DNAH14: variants seen among roughly 807,000 people sequenced by gnomAD.
DNAH14 encodes axonemal beta dynein heavy chain 14.
Under a neutral mutation model 520.9 loss-of-function variants are expected in DNAH14, and 478 were observed. That is an observed-to-expected ratio of 0.92 (90% confidence interval 0.85 to 0.99). The LOEUF (loss-of-function observed/expected upper bound fraction) is 0.99. DNAH14 is among the 50% of genes least tolerant of loss of function. DNAH14 has a pLI of 0.00. For missense variants in DNAH14, 4,831 were observed against 5,234.5 expected, an observed-to-expected ratio of 0.92 and a Z score of 2.38; for synonymous variants, 1,581 against 1,757.2, an observed-to-expected ratio of 0.90 and a Z score of 2.51.
At chr1:225,293,553 A>T (rs2093939236) in intron 55 of DNAH14, among the ~76,000 whole-genome samples, 1 of 152,208 alleles carries the variant, frequency 6.6e-6, no homozygotes, top group Admixed American at 6.5e-5. Context: ...TCCTTAGCAA[A>T]CTAACACAGG....
chr1:225,060,367 T>C (rs536110987), intron 17 of DNAH14, among the ~76,000 whole-genome samples: 4 of 152,312 alleles, frequency 2.6e-5, no homozygotes, highest in Admixed American at 2.0e-4. Context: ...AGCTCCATCA[T>C]GTCCTTTAAG....
chr1:224,953,764 G>A (rs1011800027), intron 2 of DNAH14, among the ~76,000 whole-genome samples: 2 of 152,180 alleles, frequency 1.3e-5, no homozygotes, highest in South Asian at 2.1e-4. Context: ...AATGGAGTCT[G>A]TCTCTTACAC....
chr1:225,255,349 G>T (rs764545667), intron 44 of DNAH14, among the ~76,000 whole-genome samples: 2 of 152,138 alleles, frequency 1.3e-5, no homozygotes, highest in Non-Finnish European at 2.9e-5. Context: ...TCAAGTCATT[G>T]TATCATTAGG....
At position 225,357,785 on chromosome 1, in the gene DNAH14, G is replaced by A. The variant is rs1175318167; in HGVS notation, c.11620-711G>A. The A allele has an allele frequency of 4.3e-6, 3 of 702,036 alleles. No individual in the cohort carries two copies. The South Asian group carries it at 4.4e-5, about 10-fold the overall frequency. 43.5% of individuals were successfully genotyped at this position (702,036 alleles called of 1,614,324 possible). A position where few individuals can be genotyped will look rare whatever the true frequency, so the allele number is the denominator to read the frequency against. The stretch of plus-strand genomic sequence containing the variant: ...TCAAACAGGCACACTGACGTGTGTA[G>A]CTTCAGTTTTGCTTTAAATGATGGA... On this transcript the variant is annotated intron_variant, in intron 73 of 85. Coordinates refer to ENST00000682510, the MANE Select transcript of DNAH14 (RefSeq NM_001367479.1).
intron 60 of DNAH14, among the ~76,000 whole-genome samples, chr1:225,312,021 A>T (rs967790197): frequency 6.6e-6 from 1 of 152,182 alleles, no homozygotes. Flanking sequence ...CATTGAATCT[A>T]TAAATTACTT....
intron 27 of DNAH14, among the ~76,000 whole-genome samples, chr1:225,123,996 G>A (rs1470087014): frequency 6.6e-6 from 1 of 151,744 alleles, no homozygotes; most frequent in East Asian, 1.9e-4. Flanking sequence ...CAGGTGATCT[G>A]CCCACCTCAG....
chr1:225,145,621 C>CT (rs2079860815), intron 30 of DNAH14, among the ~76,000 whole-genome samples: 1 of 152,086 alleles, frequency 6.6e-6, no homozygotes, highest in African/African-American at 2.4e-5. Flanking sequence ...GGTTTTCAAA[C>CT]TTTTTTCAAC....
At chr1:225,283,192 A>G (rs1426942079) in intron 54 of DNAH14, among the ~76,000 whole-genome samples, 3 of 152,064 alleles carry the variant, frequency 2.0e-5, no homozygotes, top group Non-Finnish European at 4.4e-5. Context: ...ACAAGCCCCA[A>G]ATACAAATGC....
At chr1:225,213,649 A>G (rs1389487515) in intron 41 of DNAH14, among the ~76,000 whole-genome samples, 1 of 152,000 alleles carries the variant, frequency 6.6e-6, no homozygotes, top group African/African-American at 2.4e-5. Flanking sequence ...ATTCCTAGGT[A>G]TTTTATTGTC....
At chr1:225,334,805 G>A (rs949478133) in intron 66 of DNAH14, among the ~76,000 whole-genome samples, 1 of 151,644 alleles carries the variant, frequency 6.6e-6, no homozygotes, top group Non-Finnish European at 1.5e-5. Context: ...GGAGGTCAAG[G>A]CTGCAGTGAG....
In DNAH14 at chr1:225,059,633, A is replaced by G. The variant is rs1359819854; in HGVS notation, c.2424+7838A>G. On this transcript the variant is annotated intron_variant, in intron 17 of 85. Transcript: ENST00000682510. ...TTTCTTCCTAGCCTCGATGGTCTTT[A>G]CAATTTGGCATGTTTTTGCAGTGGC... is the stretch of plus-strand genomic sequence containing the variant. Among the ~76,000 whole-genome samples, 7 of 152,314 alleles carry G rather than the reference A, an allele frequency of 4.6e-5. No individual in the cohort carries two copies. In the East Asian group the frequency reaches 7.7e-4, roughly 17 times the overall value.
rs1476074727 is a variant in DNAH14 at position 225,300,873 on chromosome 1, C to T, written c.8474C>T (p.Ser2825Leu). ...TAAATATGTGTTTTGCCTAAGGACT[C>T]ATTTTTAGAAGATTTGAACTACATC... ...MVPNLNIEQD[S>L]FLEDLNYIIS... Residue 2825 changes from serine (S) to leucine (L), a missense_variant, in exon 56 of 86, where the codon TCA (serine) becomes TTA (leucine). Physicochemically the swap from Ser to Leu is moderately radical, Grantham distance 145. Coordinates refer to ENST00000682510, the MANE Select transcript of DNAH14 (RefSeq NM_001367479.1). The T allele has an allele frequency of 1.9e-6, 3 of 1,550,848 alleles. No individual in the cohort carries two copies. The highest frequency in any genetic ancestry group is 2.6e-6 in the Non-Finnish European group (3 of 1,146,702).
intron 1 of DNAH14, among the ~76,000 whole-genome samples, chr1:224,949,093 A>G (rs2060013799): frequency 6.6e-6 from 1 of 152,068 alleles, no homozygotes; most frequent in Non-Finnish European, 1.5e-5. Context: ...CAATGTCTTT[A>G]TCTGGTTAAA....
rs2081334458 is a variant in DNAH14 at position 225,159,437 on chromosome 1, TA to T, written c.5398del (p.Ile1800PhefsTer5). On this transcript the variant is annotated frameshift_variant, in exon 35 of 86. Coordinates refer to ENST00000682510, the MANE Select transcript of DNAH14 (RefSeq NM_001367479.1). LOFTEE classifies it high-confidence loss of function. ...CACTTTTTGAAAATATTATAGGAGA[TA>T]TTTTTCCAGAAGTGACAGTTTTGAA... The part of the protein sequence containing the change: ...VPLFENIIGD[I>X]FPEVTVLKVN... The T allele has an allele frequency of 2.6e-6, 4 of 1,543,974 alleles. No individual in the cohort carries two copies. Among genetic ancestry groups the T allele is most frequent in the Non-Finnish European group, 3.5e-6 (4 of 1,144,204 alleles).
chr1:225,284,063 C>T (rs1048095255), intron 54 of DNAH14, among the ~76,000 whole-genome samples: 1 of 151,974 alleles, frequency 6.6e-6, no homozygotes, highest in Non-Finnish European at 1.5e-5. Flanking sequence ...AGAGCAACCT[C>T]AAATCAATAA....
intron 8 of DNAH14, among the ~76,000 whole-genome samples, chr1:224,994,964 T>C (rs186517893): frequency 6.9e-4 from 105 of 152,234 alleles, no homozygotes; most frequent in Non-Finnish European, 1.3e-3. Context: ...TGAAACACAT[T>C]TTATGTTTTC....
At chr1:225,076,781 T>A (rs2072331035) in intron 17 of DNAH14, among the ~76,000 whole-genome samples, 1 of 152,176 alleles carries the variant, frequency 6.6e-6, no homozygotes, top group Non-Finnish European at 1.5e-5. Context: ...CTTTGTAAGG[T>A]TAAATAAAAT....
In DNAH14 at chr1:225,207,135, G is replaced by A. The variant is rs2087679581; in HGVS notation, c.6354G>A (p.Met2118Ile). The change falls in exon 41 of 86, where the codon ATG becomes ATA. Residue 2118 changes from methionine (M) to isoleucine (I), a missense_variant. By Grantham distance (10) the Met-to-Ile change is conservative. Transcript: ENST00000682510. ...GTCAGAAATTTCAGCCATATCCTAT[G>A]GAGGACATAACAGTCGTCATAACCC... is the stretch of plus-strand genomic sequence containing the variant. ...RNRQKFQPYPMEDITVVITLC... is the reference protein window; with the variant it reads ...RNRQKFQPYPIEDITVVITLC... 1 of 1,550,986 alleles carries A rather than the reference G, an allele frequency of 6.4e-7. No individual in the cohort carries two copies.
chr1:225,059,448 A>G (rs1191272892), intron 17 of DNAH14, among the ~76,000 whole-genome samples: 4 of 152,122 alleles, frequency 2.6e-5, no homozygotes, highest in Admixed American at 2.6e-4. Flanking sequence ...TTTCCTGAAT[A>G]CAGCACACTG....
Sources: allele counts gnomAD v4.1 joint callset (sites outside exome capture counted in the v4.1 genomes callset), GRCh38; gene constraint gnomAD v4.1.1; transcripts MANE v1.5; gene names NCBI Gene and HGNC (gene_info 2026-07-23, HGNC 2026-07-21).